The following CLTA variants were observed in gnomAD, a reference collection of about 807,000 sequenced individuals.
CLTA encodes the protein clathrin, light polypeptide (Lca).
In CLTA, 9 loss-of-function variants were observed where a neutral mutation model predicts 26.9. The observed-to-expected ratio is 0.33, with a 90% CI of 0.20 to 0.58. The LOEUF is 0.58. Among genes scored for constraint, CLTA ranks in the 20% least tolerant of loss-of-function variants. The pLI is 0.85. For synonymous variants in CLTA, 120 were observed against 115.5 expected (o/e 1.04, Z -0.25); for missense variants, 278 against 294.2 (o/e 0.94, Z 0.40).
In CLTA at chr9:36,199,009, G is replaced by A. The variant is rs778182334; in HGVS notation, c.286G>A (p.Ala96Thr). Residue 96 changes from alanine to threonine, a missense_variant, in exon 3 of 5, where the codon GCT (alanine) becomes ACT (threonine). By Grantham distance (58) the Ala-to-Thr change is moderately conservative. Coordinates refer to ENST00000345519, the MANE Select transcript of CLTA (RefSeq NM_001833.4). ...ESNGPTDSYA[A>T]ISQVDRLQSE... ...TAATGGTCCAACAGACAGTTATGCA[G>A]CTATTTCACAAGTGGATCGATTGCA... The A allele has an allele frequency of 7.4e-6, 12 of 1,613,610 alleles. No homozygotes were observed. Among genetic ancestry groups the A allele is most frequent in the Non-Finnish European group, 1.0e-5 (12 of 1,179,684 alleles).
chr9:36,205,996 G>A (rs769510751), intron 4 of CLTA, among the ~76,000 whole-genome samples: 5 of 151,984 alleles, frequency 3.3e-5, no homozygotes, highest in African/African-American at 4.8e-5. Context: ...TCCTGACCTC[G>A]TGATCTGCCT....
intron 4 of CLTA, chr9:36,210,487 AG>A: frequency 7.1e-7 from 1 of 1,405,132 alleles, no homozygotes; most frequent in Non-Finnish European, 9.7e-7. Flanking sequence ...TGGCCAGCAA[AG>A]CCAGCTGCAC....
chr9:36,205,310 G>A (rs144808122), intron 4 of CLTA, among the ~76,000 whole-genome samples: 1 of 152,268 alleles, frequency 6.6e-6, no homozygotes, highest in Admixed American at 6.5e-5. Context: ...ACTGCTCTCT[G>A]GTGTGCAGGC....
intron 1 of CLTA, among the ~76,000 whole-genome samples, chr9:36,196,255 C>G (rs1827022281): frequency 6.6e-6 from 1 of 151,144 alleles, no homozygotes; most frequent in African/African-American, 2.4e-5. Context: ...TGTACTCTAG[C>G]CTGGGCAACA....
intron 4 of CLTA, chr9:36,210,772 C>A: frequency 8.4e-7 from 1 of 1,187,364 alleles, no homozygotes; most frequent in Non-Finnish European, 1.2e-6. Context: ...GATAGTGCCA[C>A]CCCTCCGTCC....
chr9:36,200,593 ATC>A (rs1234457736), intron 3 of CLTA, among the ~76,000 whole-genome samples: 3 of 152,252 alleles, frequency 2.0e-5, no homozygotes, highest in African/African-American at 7.2e-5. Flanking sequence ...CAAATCATTT[ATC>A]TCTCTAGTCC....
At chr9:36,209,031 G>A (rs1279860162) in intron 4 of CLTA, among the ~76,000 whole-genome samples, 1 of 152,222 alleles carries the variant, frequency 6.6e-6, no homozygotes, top group Admixed American at 6.5e-5. Flanking sequence ...CCAAAGGGAT[G>A]AAGTTGGCAG....
At chr9:36,207,599 T>C (rs968548625) in intron 4 of CLTA, among the ~76,000 whole-genome samples, 4 of 152,238 alleles carry the variant, frequency 2.6e-5, no homozygotes, top group African/African-American at 9.6e-5. Context: ...TGAGGATTGC[T>C]ACTTTCAAGT....
chr9:36,201,734 C>G (rs1467501002), intron 3 of CLTA, among the ~76,000 whole-genome samples: 1 of 152,194 alleles, frequency 6.6e-6, no homozygotes, highest in Non-Finnish European at 1.5e-5. Flanking sequence ...CATGGCACTT[C>G]CAGCCCACAG....
In CLTA at chr9:36,191,096, C is replaced by T; in HGVS notation, c.40C>T (p.Pro14Ser). Residue 14 changes from proline (P) to serine (S), a missense_variant, in exon 1 of 5, where the codon CCT becomes TCT. Pro to Ser is a moderately conservative substitution (Grantham distance 74, BLOSUM62 -1). Coordinates refer to ENST00000345519, the MANE Select transcript of CLTA (RefSeq NM_001833.4). ...LDPFGAPAGA[P>S]GGPALGNGVA... ...TCCGTTCGGCGCCCCTGCCGGCGCCCCTGGCGGTCCCGCGCTGGGGAACGG... is the reference window on the plus strand; with the variant it reads ...TCCGTTCGGCGCCCCTGCCGGCGCCTCTGGCGGTCCCGCGCTGGGGAACGG... 1 of 1,592,672 alleles carries T rather than the reference C, an allele frequency of 6.3e-7. No homozygotes were observed. Among genetic ancestry groups the T allele is most frequent in the Non-Finnish European group, 8.5e-7 (1 of 1,174,434 alleles).
rs895414930 is a variant in CLTA at position 36,198,294 on chromosome 9, C to T, written c.256-685C>T. 9.9e-5 allele frequency among the ~76,000 whole-genome samples: 15 copies of T among 151,740 alleles called. No homozygotes were observed. In the South Asian group the frequency reaches 1.2e-3, roughly 13 times the overall value. On this transcript the variant is annotated intron_variant, in intron 2 of 4. Coordinates refer to ENST00000345519, the MANE Select transcript of CLTA (RefSeq NM_001833.4). ...ATTACAGGCGTGAGCCACCGCACCC[C>T]GCCAGAGCCACCGCAACCTTGGCTC...
chr9:36,199,232 G>A (rs1013184592), intron 3 of CLTA, 136 bp downstream of exon 3: 1 of 692,640 alleles, frequency 1.4e-6, no homozygotes, highest in African/African-American at 1.8e-5. Flanking sequence ...CAGCCTGAAG[G>A]TTACAAGGCT....
chr9:36,191,264 G>A lies in CLTA; in HGVS notation c.208G>A (p.Gly70Arg), dbSNP rs1826696903. ...GCCCCAGCCGCACGGCGAGCCGCCGGGGGGTCCGGGTGAGAGTGCGGGCGC... is the reference window on the plus strand; with the variant it reads ...GCCCCAGCCGCACGGCGAGCCGCCGAGGGGTCCGGGTGAGAGTGCGGGCGC... ...PGPQPHGEPP[G>R]GPDAVDGVMN... is the part of the protein sequence containing the mutation. The change falls in exon 1 of 5, where the codon GGG becomes AGG. Residue 70 changes from glycine (G) to arginine (R), a missense_variant. By Grantham distance (125) the Gly-to-Arg change is moderately radical. Transcript: ENST00000345519. 6.6e-7 allele frequency: 1 copy of A among 1,525,432 alleles called. No individual in the cohort carries two copies. Among genetic ancestry groups the A allele is most frequent in the Admixed American group, 2.1e-5 (1 of 47,660 alleles). 94.5% of individuals were successfully genotyped at this position (1,525,432 alleles called of 1,614,324 possible).
At position 36,190,963 on chromosome 9, in the gene CLTA, A is replaced by T; in HGVS notation, c.-94A>T. Reference sequence around the variant, plus strand: ...CTCCTGGCGCTTGTCCTCCTCTCCCAGTCGGCACCACAGCGGTGGCTGCCG... The same window carrying T: ...CTCCTGGCGCTTGTCCTCCTCTCCCTGTCGGCACCACAGCGGTGGCTGCCG... On this transcript the variant is annotated 5_prime_UTR_variant, in exon 1 of 5. Coordinates refer to ENST00000345519, the MANE Select transcript of CLTA (RefSeq NM_001833.4). 6.9e-7 allele frequency: 1 copy of T among 1,446,230 alleles called. No homozygotes were observed. Among genetic ancestry groups the T allele is most frequent in the East Asian group, 2.6e-5 (1 of 38,448 alleles). 89.6% of individuals were successfully genotyped at this position (1,446,230 alleles called of 1,614,324 possible). A position where few individuals can be genotyped will look rare whatever the true frequency, so the allele number is the denominator to read the frequency against.
intron 2 of CLTA, 53 bp from the exon 3 acceptor site, chr9:36,198,926 T>C (rs1827234254): frequency 8.0e-7 from 1 of 1,255,862 alleles, no homozygotes; most frequent in Non-Finnish European, 1.2e-6. Context: ...GTGAAGTGCA[T>C]TTTAGGAAGG....
At chr9:36,198,605 C>T (rs1477097922) in intron 2 of CLTA, among the ~76,000 whole-genome samples, 5 of 149,538 alleles carry the variant, frequency 3.3e-5, no homozygotes, top group East Asian at 2.1e-4. Context: ...TGCTTGAACC[C>T]GGGGAGTAGA....
Position 36,211,755 on chromosome 9 carries a change from A to G in CLTA, c.638A>G (p.Gln213Arg), listed in dbSNP as rs1563920341. ...CGCTCAGTCCTCATCTCCCTCAAGC[A>G]GGCCCCGCTGGTGCACTGAAGAGCC... Reference protein sequence around the residue: ...RMRSVLISLKQAPLVH With the variant: ...RMRSVLISLKRAPLVH Residue 213 changes from glutamine (Q) to arginine (R), a missense_variant, in exon 5 of 5, where the codon CAG (glutamine) becomes CGG (arginine). By Grantham distance (43) the Gln-to-Arg change is conservative. Coordinates refer to ENST00000345519, the MANE Select transcript of CLTA (RefSeq NM_001833.4). 1 of 1,611,848 alleles carries G rather than the reference A, an allele frequency of 6.2e-7. No homozygotes were observed. The highest frequency in any genetic ancestry group is 8.5e-7 in the Non-Finnish European group (1 of 1,178,278).
intron 1 of CLTA, among the ~76,000 whole-genome samples, chr9:36,194,568 T>C (rs1438737212): frequency 2.0e-5 from 3 of 152,226 alleles, no homozygotes; most frequent in Admixed American, 6.5e-5. Flanking sequence ...AGTTGAGCAG[T>C]GTCACTAAGG....
chr9:36,204,595 G>A (rs537567879), intron 4 of CLTA, among the ~76,000 whole-genome samples: 5 of 152,262 alleles, frequency 3.3e-5, no homozygotes, highest in East Asian at 1.9e-4. Context: ...GAAGGGGTCC[G>A]TTGGCAGGAA....
Sources: gnomAD v4.1 joint callset for allele counts (sites outside exome capture counted in the v4.1 genomes callset) on GRCh38, gnomAD v4.1.1 for gene constraint, MANE v1.5 for transcripts, NCBI Gene and HGNC (gene_info 2026-07-23, HGNC 2026-07-21) for gene names.